Variants in ATP8A2 observed in about 807,000 individuals in gnomAD.
The protein encoded by ATP8A2 is phospholipid-transporting ATPase IB.
A neutral mutation model predicts 165.6 loss-of-function variants in ATP8A2; 100 were observed. The ratio of observed to expected loss-of-function variants is 0.60; its 90% CI spans 0.51 to 0.71. ATP8A2 has a LOEUF of 0.71. Ranked by LOEUF, ATP8A2 falls within the 30% of genes least tolerant of loss-of-function variation. The pLI is 0.00. For synonymous variants in ATP8A2, 543 were observed against 548.8 expected, an observed-to-expected ratio of 0.99 and a Z score of 0.15; for missense variants, 1,227 against 1,479.5, an observed-to-expected ratio of 0.83 and a Z score of 2.80.
chr13:25,374,224 G>A (rs2032533594), intron 1 of ATP8A2, among the ~76,000 whole-genome samples: 1 of 152,196 alleles, frequency 6.6e-6, no homozygotes, highest in African/African-American at 2.4e-5. Flanking sequence ...GGGGTGGGGT[G>A]TACCTGTGCC....
At chr13:25,925,090 A>G (rs1195430438) in intron 33 of ATP8A2, among the ~76,000 whole-genome samples, 1 of 152,314 alleles carries the variant, frequency 6.6e-6, no homozygotes, top group East Asian at 1.9e-4. Context: ...TCTCAGTAAT[A>G]ACTAACCAGA....
In ATP8A2 at chr13:25,578,206, A is replaced by G. The variant is rs942892056; in HGVS notation, c.1783-609A>G. ...ATTTTTATAGGATTTAATTCTCTCC[A>G]AAACCAAACTCAGTTTAAAAAAATT... On this transcript the variant is annotated intron_variant, in intron 20 of 36. Coordinates refer to ENST00000381655, the MANE Select transcript of ATP8A2 (RefSeq NM_016529.6). Among the ~76,000 whole-genome samples, 8 of 152,334 alleles carry G rather than the reference A, an allele frequency of 5.3e-5. 1 individual carries two copies. Among genetic ancestry groups the G allele is most frequent in the South Asian group, 2.1e-4 (1 of 4,820 alleles).
chr13:25,920,050 A>C (rs1156889936), intron 33 of ATP8A2, among the ~76,000 whole-genome samples: 2 of 152,160 alleles, frequency 1.3e-5, no homozygotes, highest in Non-Finnish European at 2.9e-5. Flanking sequence ...AGCCTCCCAA[A>C]GTGCCAGGAC....
At chr13:25,855,705 A>G (rs955494379) in intron 30 of ATP8A2, among the ~76,000 whole-genome samples, 7 of 152,200 alleles carry the variant, frequency 4.6e-5, no homozygotes, top group Non-Finnish European at 7.3e-5. Context: ...GCTAGGTCAC[A>G]TGGTAACTGT....
chr13:25,978,939 C>CA lies in ATP8A2; in HGVS notation c.3377+10270dup, dbSNP rs534172122. Among the ~76,000 whole-genome samples, 523 of 142,754 alleles carry CA rather than the reference C, an allele frequency of 3.7e-3. 2 individuals are homozygous for CA. The highest frequency in any genetic ancestry group is 0.016 in the South Asian group (70 of 4,406). The allele number at this position is 142,754 out of a possible 152,430, so 93.7% of individuals were successfully genotyped here. A position where few individuals can be genotyped will look rare whatever the true frequency, so the allele number is the denominator to read the frequency against. On this transcript the variant is annotated intron_variant, in intron 35 of 36. Coordinates refer to ENST00000381655, the MANE Select transcript of ATP8A2 (RefSeq NM_016529.6). ...TGGGCGACAGAGCGAGACTACGGCT[C>CA]AAAAAAAAAAGCCTCAGGAGAAATG...
chr13:25,772,992 T>G (rs1046162551), intron 26 of ATP8A2, among the ~76,000 whole-genome samples: 9 of 152,138 alleles, frequency 5.9e-5, no homozygotes, highest in African/African-American at 1.9e-4. Context: ...ACTCCTGGCC[T>G]TAGGTGATCT....
intron 30 of ATP8A2, among the ~76,000 whole-genome samples, chr13:25,844,875 A>G (rs959456897): frequency 2.0e-4 from 30 of 152,346 alleles, no homozygotes; most frequent in Admixed American, 1.3e-4. Context: ...AACCTCAGGT[A>G]TATATCAACA....
chr13:25,795,394 G>A (rs916019672), intron 27 of ATP8A2, among the ~76,000 whole-genome samples: 2 of 152,160 alleles, frequency 1.3e-5, no homozygotes, highest in Non-Finnish European at 2.9e-5. Context: ...CTGTGCCCAT[G>A]TTTAGCATAT....
chr13:25,699,322 G>A lies in ATP8A2; in HGVS notation c.2361G>A (p.Ser787=), dbSNP rs201674134. The part of the protein sequence containing the change: ...VRRSFLDLAL[S]CKAVICCRVS... ...GGAGTTTCCTGGATTTGGCACTCTC[G>A]TGCAAAGCGGTCATATGCTGCAGGT... Residue 787 remains serine, a synonymous_variant, in exon 25 of 37, where the codon TCG becomes TCA. Coordinates refer to ENST00000381655, the MANE Select transcript of ATP8A2 (RefSeq NM_016529.6). The A allele has an allele frequency of 5.8e-5, 93 of 1,613,006 alleles. No individual in the cohort carries two copies. Among genetic ancestry groups the A allele is most frequent in the African/African-American group, 3.3e-4 (25 of 74,976 alleles).
intron 30 of ATP8A2, among the ~76,000 whole-genome samples, chr13:25,840,514 A>G (rs1156603888): frequency 1.3e-5 from 2 of 152,234 alleles, no homozygotes; most frequent in African/African-American, 2.4e-5. Context: ...GCCACGTGAT[A>G]TAGTCTTTCA....
intron 1 of ATP8A2, among the ~76,000 whole-genome samples, chr13:25,410,895 A>G (rs887753123): frequency 6.6e-6 from 1 of 152,152 alleles, no homozygotes; most frequent in Non-Finnish European, 1.5e-5. Flanking sequence ...AGTTTTCACA[A>G]CCACTCCTTT....
At chr13:25,916,782 C>T (rs1367813702) in intron 33 of ATP8A2, among the ~76,000 whole-genome samples, 1 of 152,048 alleles carries the variant, frequency 6.6e-6, no homozygotes, top group Non-Finnish European at 1.5e-5. Context: ...TGTTTTAAAC[C>T]TTAACTCTGA....
At chr13:25,910,924 AT>A (rs35021710) in intron 33 of ATP8A2, among the ~76,000 whole-genome samples, 11,238 of 142,542 alleles carry the variant, frequency 0.079, 860 homozygotes, top group African/African-American at 0.19. Context: ...ATCCCTCTCA[AT>A]TTTTTTTTTT....
At chr13:25,927,620 G>A (rs1322914239) in intron 33 of ATP8A2, among the ~76,000 whole-genome samples, 2 of 152,196 alleles carry the variant, frequency 1.3e-5, no homozygotes, top group Non-Finnish European at 2.9e-5. Context: ...CCACTCACTG[G>A]TTATTAGTTC....
chr13:25,515,889 C>T (rs1228026419), intron 2 of ATP8A2, among the ~76,000 whole-genome samples: 2 of 152,272 alleles, frequency 1.3e-5, no homozygotes, highest in East Asian at 3.9e-4. Flanking sequence ...GTTTTGTGCA[C>T]TTTGCTATAT....
chr13:25,721,970 G>A (rs1200772537), intron 25 of ATP8A2, among the ~76,000 whole-genome samples: 3 of 152,172 alleles, frequency 2.0e-5, no homozygotes, highest in African/African-American at 7.2e-5. Flanking sequence ...GCCCAGGAGT[G>A]AAATCACTGG....
intron 24 of ATP8A2, among the ~76,000 whole-genome samples, chr13:25,613,357 C>A (rs67340402): frequency 6.6e-6 from 1 of 151,970 alleles, no homozygotes; most frequent in Non-Finnish European, 1.5e-5. Context: ...CCAAGGCAGG[C>A]GGGGTCAAGA....
At chr13:25,854,182 A>C (rs1028425658) in intron 30 of ATP8A2, among the ~76,000 whole-genome samples, 2 of 152,148 alleles carry the variant, frequency 1.3e-5, no homozygotes, top group African/African-American at 4.8e-5. Context: ...ATCATTTGGT[A>C]CCAAGTTTTC....
chr13:25,655,556 A>C (rs755189460), intron 24 of ATP8A2, among the ~76,000 whole-genome samples: 1 of 152,116 alleles, frequency 6.6e-6, no homozygotes, highest in Non-Finnish European at 1.5e-5. Context: ...TTGAAACAAG[A>C]TGCTCCCTCA....
Sources: allele counts gnomAD v4.1 joint callset (sites outside exome capture counted in the v4.1 genomes callset), GRCh38; gene constraint gnomAD v4.1.1; transcripts MANE v1.5; gene names NCBI Gene and HGNC (gene_info 2026-07-23, HGNC 2026-07-21).